RBFOX1: variants seen among roughly 807,000 people sequenced by gnomAD.
The protein encoded by RBFOX1 is RNA binding protein fox-1 homolog 1.
RBFOX1 carries 8 observed loss-of-function variants against 57.7 expected under a neutral mutation model. That is an observed-to-expected ratio of 0.14 (90% CI 0.08 to 0.25). The LOEUF is 0.25. RBFOX1 is among the 10% of genes least tolerant of loss of function. The pLI, the probability that RBFOX1 is intolerant of heterozygous loss-of-function variation, is 1.00. For synonymous variants in RBFOX1, 326 were observed against 222.4 expected (o/e 1.47, Z -4.15); for missense variants, 611 against 548.5 (o/e 1.11, Z -1.14).
intron 1 of RBFOX1, chr16:6,038,553 A>G (rs1035316317): frequency 6.5e-5 from 8 of 122,196 alleles, no homozygotes; most frequent in Non-Finnish European, 1.2e-4. Flanking sequence ...TATATATATC[A>G]TCCATATATA....
At chr16:6,599,170 C>G (rs1246981388) in intron 2 of RBFOX1, among the ~76,000 whole-genome samples, 1 of 152,132 alleles carries the variant, frequency 6.6e-6, no homozygotes, top group Non-Finnish European at 1.5e-5. Flanking sequence ...TCTCTTCTAA[C>G]CCACATGTTT....
intron 2 of RBFOX1, among the ~76,000 whole-genome samples, chr16:5,520,084 T>C (rs1285452440): frequency 1.3e-5 from 2 of 152,154 alleles, no homozygotes; most frequent in East Asian, 3.8e-4. Flanking sequence ...TGTGATGGAA[T>C]CATTTAAAGA....
At chr16:6,793,179 G>T (rs1006212114) in intron 3 of RBFOX1, among the ~76,000 whole-genome samples, 5 of 152,168 alleles carry the variant, frequency 3.3e-5, no homozygotes, top group Non-Finnish European at 7.3e-5. Context: ...CAGATAATAT[G>T]ATCCTGTTGA....
intron 3 of RBFOX1, among the ~76,000 whole-genome samples, chr16:5,651,681 G>A (rs543836978): frequency 6.6e-6 from 1 of 152,292 alleles, no homozygotes; most frequent in East Asian, 1.9e-4. Context: ...AGCCGTTTCA[G>A]TCTAACTGAT....
chr16:6,972,805 C>G (rs1221021421), intron 3 of RBFOX1, among the ~76,000 whole-genome samples: 3 of 151,908 alleles, frequency 2.0e-5, no homozygotes, highest in East Asian at 1.9e-4. Flanking sequence ...AATTTCTGTT[C>G]AAATTCATAT....
chr16:7,255,128 C>G (rs927388427), intron 4 of RBFOX1, among the ~76,000 whole-genome samples: 7 of 152,106 alleles, frequency 4.6e-5, no homozygotes, highest in Admixed American at 2.0e-4. Context: ...AACCCCATCT[C>G]CGATCTTTGC....
intron 3 of RBFOX1, among the ~76,000 whole-genome samples, chr16:6,938,488 C>G (rs932683395): frequency 6.6e-6 from 1 of 152,106 alleles, no homozygotes; most frequent in Non-Finnish European, 1.5e-5. Flanking sequence ...ATTTCTAAGT[C>G]TCATCCATAA....
intron 2 of RBFOX1, among the ~76,000 whole-genome samples, chr16:6,503,408 C>A (rs1022516950): frequency 1.3e-5 from 2 of 152,058 alleles, no homozygotes; most frequent in Non-Finnish European, 2.9e-5. Context: ...TCCAATATTT[C>A]GTGGCTTAAA....
At chr16:5,629,538 G>A (rs2048440252) in intron 3 of RBFOX1, among the ~76,000 whole-genome samples, 1 of 152,234 alleles carries the variant, frequency 6.6e-6, no homozygotes, top group Non-Finnish European at 1.5e-5. Context: ...AGCAAAGGAA[G>A]AATGGAGTCT....
intron 4 of RBFOX1, among the ~76,000 whole-genome samples, chr16:7,388,752 T>C (rs1019636227): frequency 3.3e-5 from 5 of 151,582 alleles, no homozygotes; most frequent in East Asian, 1.9e-4. Context: ...TTCAATACTA[T>C]TATAAAATTA....
Position 7,135,610 on chromosome 16 carries a change from G to T in RBFOX1, c.27+83512G>T, listed in dbSNP as rs533307724. On this transcript the variant is annotated intron_variant, in intron 4 of 15. Transcript: ENST00000550418. ...TTTTGAATCTCTGAGCATAAACTTTGTAGTTGTTAATTTAATTGCCGCTGT... is the reference window on the plus strand; with the variant it reads ...TTTTGAATCTCTGAGCATAAACTTTTTAGTTGTTAATTTAATTGCCGCTGT... Among the ~76,000 whole-genome samples, 4 of 152,332 alleles carry T rather than the reference G, an allele frequency of 2.6e-5. No individual in the cohort carries two copies. The South Asian group carries it at 8.3e-4, about 32-fold the overall frequency.
In RBFOX1 at chr16:5,423,850, C is replaced by T. The variant is rs78550110; in HGVS notation, c.220-43366C>T. ...TTGTTGTCTTCTCGAGCTCCAGTGGCCAGGCTCATTGAGGCCAGGCATTGC... is the reference window on the plus strand; with the variant it reads ...TTGTTGTCTTCTCGAGCTCCAGTGGTCAGGCTCATTGAGGCCAGGCATTGC... On this transcript the variant is annotated intron_variant, in intron 1 of 2. Coordinates refer to the RBFOX1 transcript ENST00000585867. Among the ~76,000 whole-genome samples, 1,375 of 152,258 alleles carry T rather than the reference C, an allele frequency of 9.0e-3. 22 individuals are homozygous for T. Among genetic ancestry groups the T allele is most frequent in the African/African-American group, 0.032 (1,329 of 41,526 alleles).
At chr16:5,560,348 C>G (rs976506624) in intron 2 of RBFOX1, among the ~76,000 whole-genome samples, 1 of 152,090 alleles carries the variant, frequency 6.6e-6, no homozygotes, top group African/African-American at 2.4e-5. Context: ...CTCTAGGAAC[C>G]ATTGAATTAC....
rs1161001747 is a variant in RBFOX1 at position 6,795,764 on chromosome 16, TA to T, written c.-16+141119del. 5.8e-5 allele frequency among the ~76,000 whole-genome samples: 8 copies of T among 138,098 alleles called. No homozygotes were observed. In the Admixed American group the frequency reaches 5.8e-4, roughly 10 times the overall value. The allele number at this position is 138,098 out of a possible 152,430, so 90.6% of individuals were successfully genotyped here. A position where few individuals can be genotyped will look rare whatever the true frequency, so the allele number is the denominator to read the frequency against. On this transcript the variant is annotated intron_variant, in intron 3 of 15. Coordinates refer to ENST00000550418, the MANE Select transcript of RBFOX1 (RefSeq NM_018723.4). ...CTGGGTGACAGAGTGAAACTCCATC[TA>T]AAAATAAAAAATGAAAAAAAAAAAA...
intron 2 of RBFOX1, among the ~76,000 whole-genome samples, chr16:5,562,016 C>T (rs1014835000): frequency 6.6e-6 from 1 of 152,106 alleles, no homozygotes; most frequent in Non-Finnish European, 1.5e-5. Context: ...GGTGTGAAGA[C>T]ACAGGGAAAC....
chr16:6,167,682 A>C (rs1181507859), intron 1 of RBFOX1, among the ~76,000 whole-genome samples: 1 of 152,038 alleles, frequency 6.6e-6, no homozygotes, highest in Non-Finnish European at 1.5e-5. Context: ...TGTCCAACCA[A>C]CCTTTTAGTT....
intron 5 of RBFOX1, among the ~76,000 whole-genome samples, chr16:7,573,314 C>T (rs927950005): frequency 7.9e-5 from 12 of 152,088 alleles, no homozygotes; most frequent in African/African-American, 1.2e-4. Flanking sequence ...CAGTCACAGC[C>T]GAGAACACTG....
chr16:7,273,203 T>TTCCTTCCC (rs2095367372), intron 4 of RBFOX1, among the ~76,000 whole-genome samples: 1 of 89,194 alleles, frequency 1.1e-5, no homozygotes, highest in Non-Finnish European at 2.1e-5. Flanking sequence ...CCTTCCTCCC[T>TTCCTTCCC]CCCTTCCTTC....
intron 2 of RBFOX1, among the ~76,000 whole-genome samples, chr16:6,617,358 A>C (rs561004899): frequency 6.6e-6 from 1 of 152,214 alleles, no homozygotes; most frequent in South Asian, 2.1e-4. Context: ...TATACAGCAG[A>C]GACATTGTGT....
Sources: gnomAD v4.1 joint callset for allele counts (sites outside exome capture counted in the v4.1 genomes callset) on GRCh38, gnomAD v4.1.1 for gene constraint, MANE v1.5 for transcripts, NCBI Gene and HGNC (gene_info 2026-07-23, HGNC 2026-07-21) for gene names.